ZNF638: variants seen among roughly 807,000 people sequenced by gnomAD.
ZNF638 encodes the protein CTCL tumor antigen se33-1.
A neutral mutation model predicts 195.6 loss-of-function variants in ZNF638; 46 were observed. The ratio of observed to expected loss-of-function variants is 0.24; its 90% CI spans 0.19 to 0.30. The LOEUF (loss-of-function observed/expected upper bound fraction) is 0.30, where lower values mean the gene tolerates loss of function less well. Ranked by LOEUF, ZNF638 falls within the 10% of genes least tolerant of loss-of-function variation. The pLI is 1.00. For missense variants in ZNF638, 2,440 were observed against 2,325.3 expected (o/e 1.05, Z -1.01); for synonymous variants, 845 against 772.0 (o/e 1.09, Z -1.57).
At chr2:71,425,523 C>T in intron 23 of ZNF638, among the ~76,000 whole-genome samples, 1 of 151,954 alleles carries the variant, frequency 6.6e-6, no homozygotes, top group East Asian at 1.9e-4. Context: ...TATAGGAGCC[C>T]TGGTAGGAAT....
At chr2:71,351,871 G>A (rs1329355373) in intron 2 of ZNF638, among the ~76,000 whole-genome samples, 1 of 152,184 alleles carries the variant, frequency 6.6e-6, no homozygotes, top group African/African-American at 2.4e-5. Flanking sequence ...TGGATATGCT[G>A]TAGGGGACAG....
At chr2:71,360,502 T>C (rs1297517578) in intron 3 of ZNF638, among the ~76,000 whole-genome samples, 1 of 152,198 alleles carries the variant, frequency 6.6e-6, no homozygotes. Flanking sequence ...AATCCAGTAT[T>C]CAGTTAAGAT....
At chr2:71,396,220 T>G in intron 11 of ZNF638, 29 bp downstream of exon 11, 3 of 1,584,646 alleles carry the variant, frequency 1.9e-6, no homozygotes, top group South Asian at 1.1e-5. Flanking sequence ...GATTCTAGAC[T>G]ATTAGTTAAA....
intron 1 of ZNF638, among the ~76,000 whole-genome samples, chr2:71,336,382 AAAAAAAAAAAAAAAAAAACC>A (rs2078669537): frequency 7.6e-5 from 1 of 13,142 alleles, no homozygotes; most frequent in Non-Finnish European, 2.1e-4. Context: ...CAAAAAAAAA[AAAAAAAAAAAAAAAAAAACC>A]AAAAAAACAC....
rs951639236 is a variant in ZNF638 at position 71,393,682 on chromosome 2, TCGCTTCCC to T, written c.2378-2457_2378-2450del. 1.4e-5 allele frequency: 10 copies of T among 710,586 alleles called. No homozygotes were observed. In the African/African-American group the frequency reaches 1.6e-4, roughly 11 times the overall value. 44.0% of individuals were successfully genotyped at this position (710,586 alleles called of 1,614,324 possible). A position where few individuals can be genotyped will look rare whatever the true frequency, so the allele number is the denominator to read the frequency against. ...CTCACGTAGGATCCTTTTTATGCTC[TCGCTTCCC>T]CTGCAACCCGTACCGGCTACACTCT... On this transcript the variant is annotated intron_variant, in intron 10 of 27. Transcript: ENST00000264447.
At chr2:71,387,054 G>A (rs1391124505) in intron 10 of ZNF638, among the ~76,000 whole-genome samples, 6 of 151,580 alleles carry the variant, frequency 4.0e-5, no homozygotes, top group Admixed American at 3.3e-4. Context: ...AAGAATAATA[G>A]CAATAAAACA....
intron 19 of ZNF638, chr2:71,407,645 TTTGTGAACTTTTGTCTCCTCAAACTGAA>T (rs1211609934): frequency 3.3e-5 from 5 of 152,476 alleles, no homozygotes; most frequent in African/African-American, 1.2e-4. Context: ...CCACCATCCA[TTTGTGAACTTTTGTCTCCTCAAACTGAA>T]GTTTTCTATC....
rs1230447453 is a variant in ZNF638, at chr2:71,368,386, G to T, written c.2000G>T (p.Arg667Leu). ...DKAVSLQRKL[R>L]KEQSLHYGSV... ...TTTCTTTCACTCCAAAAATAGCTTC[G>T]GAAAGAACAGTCATTGCATTATGGT... The change falls in exon 7 of 28, where the codon CGG (arginine) becomes CTG (leucine). Residue 667 changes from arginine (R) to leucine (L), a missense_variant. Physicochemically the swap from Arg to Leu is moderately radical, Grantham distance 102. This residue lies in a region of ZNF638 where 1,883 missense variants were observed against 1,739.1 expected (regional missense o/e 1.08). Transcript: ENST00000264447. 4 of 1,606,606 alleles carry T rather than the reference G, an allele frequency of 2.5e-6. No individual in the cohort carries two copies. Among genetic ancestry groups the T allele is most frequent in the Non-Finnish European group, 3.4e-6 (4 of 1,177,160 alleles).
At chr2:71,338,289 T>C (rs889642732) in intron 1 of ZNF638, among the ~76,000 whole-genome samples, 3 of 152,256 alleles carry the variant, frequency 2.0e-5, no homozygotes, top group African/African-American at 7.2e-5. Flanking sequence ...CCAACTGTTA[T>C]TCTACATTTA....
intron 1 of ZNF638, among the ~76,000 whole-genome samples, chr2:71,333,244 T>C (rs2078604787): frequency 6.6e-6 from 1 of 152,222 alleles, no homozygotes; most frequent in South Asian, 2.1e-4. Context: ...TATTCTGTAA[T>C]ATGTACTTCT....
In ZNF638 at chr2:71,350,287, A is replaced by G; in HGVS notation, c.1317+16A>G. 3.1e-6 allele frequency: 5 copies of G among 1,594,202 alleles called. No individual in the cohort carries two copies. Among genetic ancestry groups the G allele is most frequent in the Non-Finnish European group, 4.3e-6 (5 of 1,176,390 alleles). ...TCATTTGAAGGTGAGTGTTTTTAAA[A>G]AAAGATCACTGTATAATGATGCTCA... is the stretch of plus-strand genomic sequence containing the variant. On this transcript the variant is annotated intron_variant, in intron 2 of 27. Coordinates refer to ENST00000264447, the MANE Select transcript of ZNF638 (RefSeq NM_014497.5).
In ZNF638 at chr2:71,431,587, G is replaced by A. The variant is rs188653114; in HGVS notation, c.5752+159G>A. Reference sequence around the variant, plus strand: ...ATCCTGGCTAACACGGTGAAACCCCGTCAGTACTAAAAGGTACAAAAAATT... The same window carrying A: ...ATCCTGGCTAACACGGTGAAACCCCATCAGTACTAAAAGGTACAAAAAATT... On this transcript the variant is annotated intron_variant, in intron 26 of 27. Transcript: ENST00000264447. Among the ~76,000 whole-genome samples the A allele has an allele frequency of 2.0e-3, 298 of 152,204 alleles. 5 individuals carry two copies. Among genetic ancestry groups the A allele is most frequent in the Non-Finnish European group, 4.9e-4 (33 of 68,000 alleles).
chr2:71,348,252 A>G (rs1193869302), intron 1 of ZNF638, among the ~76,000 whole-genome samples: 1 of 152,196 alleles, frequency 6.6e-6, no homozygotes, highest in Non-Finnish European at 1.5e-5. Context: ...GTGTAGTTTA[A>G]TTGCCCTATG....
intron 1 of ZNF638, among the ~76,000 whole-genome samples, chr2:71,333,291 A>G (rs1342609756): frequency 6.6e-6 from 1 of 152,212 alleles, no homozygotes; most frequent in Admixed American, 6.5e-5. Flanking sequence ...TTATACATTA[A>G]AATATGCTGG....
Position 71,423,230 on chromosome 2 carries a change from T to C in ZNF638, c.3716T>C (p.Ile1239Thr). The change falls in exon 22 of 28, where the codon ATT becomes ACT. Residue 1239 changes from isoleucine to threonine, a missense_variant. Ile to Thr is a moderately conservative substitution (Grantham distance 89). Around this residue, in one of 5 missense-constraint regions of ZNF638, gnomAD observed 1,883 missense variants for 1,739.1 expected, o/e 1.08. Transcript: ENST00000264447. ...VFAEERNLKG[I>T]LEESPSEAED... Reference sequence around the variant, plus strand: ...GCAGAAGAAAGGAACCTCAAAGGAATTCTAGAAGAATCTCCATCTGAAGCA... The same window carrying C: ...GCAGAAGAAAGGAACCTCAAAGGAACTCTAGAAGAATCTCCATCTGAAGCA... The C allele has an allele frequency of 6.2e-7, 1 of 1,614,126 alleles. No homozygotes were observed.
intron 2 of ZNF638, among the ~76,000 whole-genome samples, chr2:71,351,089 T>G (rs889945284): frequency 6.6e-6 from 1 of 152,216 alleles, no homozygotes; most frequent in African/African-American, 2.4e-5. Context: ...TTCTTCTATT[T>G]ACTAATGTGA....
intron 7 of ZNF638, 72 bp from the exon 8 acceptor site, chr2:71,369,811 T>A: frequency 9.0e-6 from 13 of 1,447,688 alleles, no homozygotes; most frequent in Non-Finnish European, 1.2e-5. Context: ...AAGAAAGGAT[T>A]AAGCCCATTT....
intron 21 of ZNF638, among the ~76,000 whole-genome samples, chr2:71,420,149 A>T (rs2080399866): frequency 6.6e-6 from 1 of 151,428 alleles, no homozygotes; most frequent in African/African-American, 2.4e-5. Flanking sequence ...GCTGGCCTTG[A>T]ACTCCTGGGC....
Position 71,379,226 on chromosome 2 carries a change from T to TA in ZNF638, c.2266-995dup, listed in dbSNP as rs1441837837. 3.3e-5 allele frequency among the ~76,000 whole-genome samples: 5 copies of TA among 152,218 alleles called. No homozygotes were observed. The South Asian group carries it at 6.2e-4, about 19-fold the overall frequency. On this transcript the variant is annotated intron_variant, in intron 8 of 27. Coordinates refer to ENST00000264447, the MANE Select transcript of ZNF638 (RefSeq NM_014497.5). The stretch of plus-strand genomic sequence containing the variant: ...TATGAGAAACCATGTTTTTGAAAGT[T>TA]ACAGTAGTTCCCGTTTATCTGAGGC...
Sources: gnomAD v4.1 joint callset for allele counts (sites outside exome capture counted in the v4.1 genomes callset) on GRCh38, gnomAD v4.1.1 for gene constraint, gnomAD v4.1.1 regional missense constraint, MANE v1.5 for transcripts, NCBI Gene and HGNC (gene_info 2026-07-23, HGNC 2026-07-21) for gene names.